Variants in SAMMSON observed in about 807,000 individuals in gnomAD.
SAMMSON encodes the protein survival associated mitochondrial melanoma specific oncogenic non-coding RNA, also known as long intergenic non-protein coding RNA 1212.
rs571726866 is a variant in SAMMSON at position 70,324,608 on chromosome 3, T to A, written n.740-29567T>A. Among the ~76,000 whole-genome samples the A allele has an allele frequency of 9.2e-5, 14 of 152,274 alleles. No individual in the cohort carries two copies. The East Asian group carries it at 2.7e-3, about 29-fold the overall frequency. On this transcript the variant is annotated intron_variant and non_coding_transcript_variant, in intron 7 of 9. Transcript: ENST00000642114. ...TGACTATTTCTAGGTGCTGTCGAAGTACAGAGTTAATGTAACTTAAAATTC... is the reference window on the plus strand; with the variant it reads ...TGACTATTTCTAGGTGCTGTCGAAGAACAGAGTTAATGTAACTTAAAATTC...
chr3:70,384,091 A>G (rs1332190887), intron 9 of SAMMSON, among the ~76,000 whole-genome samples: 2 of 152,084 alleles, frequency 1.3e-5, no homozygotes, highest in Non-Finnish European at 2.9e-5. Context: ...AGGGCTAAAA[A>G]AAATTACCCA....
intron 4 of SAMMSON, among the ~76,000 whole-genome samples, chr3:70,237,128 A>G (rs1546734): frequency 0.18 from 27,216 of 152,158 alleles, 3,269 homozygotes; most frequent in Middle Eastern, 0.26. Context: ...TCATTCTCGA[A>G]CATTTGCATA....
At chr3:70,093,881 A>C (rs971255701) in intron 4 of SAMMSON, among the ~76,000 whole-genome samples, 16 of 152,174 alleles carry the variant, frequency 1.1e-4, no homozygotes, top group Admixed American at 3.3e-4. Context: ...TTTGATTCTT[A>C]AATGGGTGAT....
intron 4 of SAMMSON, among the ~76,000 whole-genome samples, chr3:70,088,704 A>G (rs1408335191): frequency 6.6e-6 from 1 of 152,158 alleles, no homozygotes; most frequent in Non-Finnish European, 1.5e-5. Context: ...TTTCTATAAT[A>G]GTTTTGTTGG....
At chr3:70,307,937 C>T (rs1284116460) in intron 7 of SAMMSON, among the ~76,000 whole-genome samples, 2 of 152,208 alleles carry the variant, frequency 1.3e-5, no homozygotes, top group South Asian at 2.1e-4. Flanking sequence ...GCCTTTGCTC[C>T]CTGCATCACC....
chr3:70,394,830 T>C (rs768265143), downstream of SAMMSON, among the ~76,000 whole-genome samples: 3 of 152,164 alleles, frequency 2.0e-5, no homozygotes, highest in Admixed American at 6.6e-5. Context: ...CAAGAGCTGA[T>C]TGAAAAATAA....
chr3:70,418,906 T>A (rs2106772813), intron 2 of SAMMSON, among the ~76,000 whole-genome samples: 1 of 151,650 alleles, frequency 6.6e-6, no homozygotes, highest in South Asian at 2.1e-4. Context: ...ATCCAAGGGT[T>A]TGATGTTTGC....
chr3:70,280,135 C>T (rs1386193123), intron 6 of SAMMSON, among the ~76,000 whole-genome samples: 3 of 152,076 alleles, frequency 2.0e-5, no homozygotes, highest in African/African-American at 7.2e-5. Flanking sequence ...CTGGGGGCTG[C>T]CTGCATTTCC....
At chr3:70,250,440 CACACACACACAA>C (rs1437068400) in intron 6 of SAMMSON, among the ~76,000 whole-genome samples, 7 of 132,010 alleles carry the variant, frequency 5.3e-5, no homozygotes, top group South Asian at 2.2e-4. Context: ...CACACACACA[CACACACACACAA>C]ACACAAACCT....
At chr3:70,005,299 T>C (rs1407773849) in intron 1 of SAMMSON, among the ~76,000 whole-genome samples, 1 of 152,064 alleles carries the variant, frequency 6.6e-6, no homozygotes, top group Non-Finnish European at 1.5e-5. Flanking sequence ...TTTATTATTA[T>C]TCACAGTACT....
chr3:70,105,828 C>T (rs1157684600), intron 4 of SAMMSON, among the ~76,000 whole-genome samples: 1 of 152,158 alleles, frequency 6.6e-6, no homozygotes, highest in Admixed American at 6.5e-5. Flanking sequence ...GAGAGAGAAG[C>T]TCTGTTTCTC....
At chr3:70,409,116 G>A (rs1701198695) in intron 2 of SAMMSON, among the ~76,000 whole-genome samples, 1 of 152,074 alleles carries the variant, frequency 6.6e-6, no homozygotes, top group Non-Finnish European at 1.5e-5. Flanking sequence ...GTAACACATG[G>A]GAATTATAGG....
At chr3:70,385,602 A>G (rs1575638567) in intron 9 of SAMMSON, among the ~76,000 whole-genome samples, 1 of 152,074 alleles carries the variant, frequency 6.6e-6, no homozygotes, top group South Asian at 2.1e-4. Context: ...AGCCCAGGAC[A>G]GTCTGTGATT....
At chr3:70,011,332 T>C (rs1023215857) in intron 1 of SAMMSON, among the ~76,000 whole-genome samples, 8 of 152,122 alleles carry the variant, frequency 5.3e-5, no homozygotes, top group African/African-American at 1.9e-4. Context: ...AAAACTCCAT[T>C]CCAGGTCTCC....
intron 4 of SAMMSON, among the ~76,000 whole-genome samples, chr3:70,230,866 A>G (rs1701552817): frequency 6.6e-6 from 1 of 152,142 alleles, no homozygotes; most frequent in Admixed American, 6.5e-5. Context: ...CTTCCTCCCA[A>G]GTCAGAAAAG....
intron 7 of SAMMSON, among the ~76,000 whole-genome samples, chr3:70,351,385 C>T (rs1484890141): frequency 6.6e-6 from 1 of 151,972 alleles, no homozygotes; most frequent in Non-Finnish European, 1.5e-5. Flanking sequence ...GATAAAGAAC[C>T]TGGTATTTGG....
At chr3:70,022,476 A>G (rs892902145) in intron 3 of SAMMSON, among the ~76,000 whole-genome samples, 2 of 148,478 alleles carry the variant, frequency 1.3e-5, no homozygotes, top group Non-Finnish European at 3.0e-5. Flanking sequence ...TACTGCCAGT[A>G]GGGAAGACAG....
intron 6 of SAMMSON, among the ~76,000 whole-genome samples, chr3:70,255,667 C>T (rs147704557): frequency 2.6e-5 from 4 of 152,196 alleles, no homozygotes; most frequent in Admixed American, 2.6e-4. Flanking sequence ...TTATGTTGCA[C>T]AGGCTGGTCT....
chr3:70,298,996 T>C (rs1702318996), intron 7 of SAMMSON, among the ~76,000 whole-genome samples: 1 of 152,172 alleles, frequency 6.6e-6, no homozygotes, highest in Non-Finnish European at 1.5e-5. Flanking sequence ...GATTGTAAAG[T>C]GCCATCCAAA....
Sources: gnomAD v4.1 joint callset for allele counts (sites outside exome capture counted in the v4.1 genomes callset) on GRCh38, gnomAD v4.1.1 for gene constraint, MANE v1.5 for transcripts, NCBI Gene and HGNC (gene_info 2026-07-23, HGNC 2026-07-21) for gene names.